The following NRG3 variants were observed in gnomAD, a reference collection of about 807,000 sequenced individuals.
NRG3 encodes pro-neuregulin-3, membrane-bound isoform.
NRG3 carries 31 observed loss-of-function variants against 66.9 expected under a neutral mutation model. The observed-to-expected ratio is 0.46, with a 90% CI of 0.35 to 0.63. NRG3 has a LOEUF of 0.63. Among genes scored for constraint, NRG3 ranks in the 20% least tolerant of loss-of-function variants. The probability of loss-of-function intolerance (pLI) is 0.00; values close to 1 mark genes in which losing one functional copy is unlikely to be tolerated. For synonymous variants in NRG3, 393 were observed against 359.4 expected, an observed-to-expected ratio of 1.09 and a Z score of -1.06; for missense variants, 910 against 878.9, an observed-to-expected ratio of 1.04 and a Z score of -0.45.
At chr10:82,377,709 T>G (rs2085343782) in intron 2 of NRG3, among the ~76,000 whole-genome samples, 1 of 152,112 alleles carries the variant, frequency 6.6e-6, no homozygotes, top group Admixed American at 6.5e-5. Context: ...AATCTAAACC[T>G]AGAGAACAGT....
At chr10:82,132,095 G>A (rs1158374815) in intron 1 of NRG3, among the ~76,000 whole-genome samples, 3 of 151,936 alleles carry the variant, frequency 2.0e-5, no homozygotes, top group Non-Finnish European at 4.4e-5. Flanking sequence ...GAGAAAGTGG[G>A]CATTCTTATC....
At chr10:81,883,619 G>T (rs12241777) in intron 1 of NRG3, among the ~76,000 whole-genome samples, 8,655 of 152,154 alleles carry the variant, frequency 0.057, 518 homozygotes, top group East Asian at 0.19. Context: ...AACTACTTTA[G>T]CATTAGTATG....
chr10:82,154,169 T>C (rs1027133542), intron 1 of NRG3, among the ~76,000 whole-genome samples: 1 of 152,080 alleles, frequency 6.6e-6, no homozygotes, highest in Admixed American at 6.6e-5. Flanking sequence ...GTGAAGCTTT[T>C]TCTCTACATT....
At chr10:82,071,328 G>T (rs1309178557) in intron 1 of NRG3, among the ~76,000 whole-genome samples, 1 of 152,136 alleles carries the variant, frequency 6.6e-6, no homozygotes, top group Admixed American at 6.5e-5. Context: ...GAGCAAGGAT[G>T]GGGATAATGC....
At chr10:81,933,421 AATT>A (rs886747400) in intron 1 of NRG3, among the ~76,000 whole-genome samples, 9 of 152,114 alleles carry the variant, frequency 5.9e-5, no homozygotes, top group African/African-American at 1.9e-4. Flanking sequence ...CATAGGATTC[AATT>A]ATTATTATTA....
chr10:81,972,385 G>A (rs1010792538), intron 1 of NRG3, among the ~76,000 whole-genome samples: 19 of 152,068 alleles, frequency 1.2e-4, no homozygotes, highest in African/African-American at 4.1e-4. Context: ...CCAGAACAGC[G>A]ATAGCAGACA....
chr10:82,729,937 G>A (rs548153144), intron 2 of NRG3, among the ~76,000 whole-genome samples: 130 of 152,160 alleles, frequency 8.5e-4, no homozygotes, highest in Non-Finnish European at 1.5e-3. Flanking sequence ...AAATAGTGAT[G>A]CATGCAGCAC....
chr10:82,154,751 T>C (rs1465348432), intron 1 of NRG3, among the ~76,000 whole-genome samples: 2 of 151,366 alleles, frequency 1.3e-5, no homozygotes, highest in African/African-American at 2.4e-5. Flanking sequence ...ATTTTATCAA[T>C]TTTTTTTGGT....
At chr10:82,127,953 G>A (rs1050107508) in intron 1 of NRG3, among the ~76,000 whole-genome samples, 1 of 152,088 alleles carries the variant, frequency 6.6e-6, no homozygotes, top group African/African-American at 2.4e-5. Flanking sequence ...AAATCATGGA[G>A]TGGTTCAGTT....
At chr10:81,961,501 GAACT>G (rs2133279628) in intron 1 of NRG3, among the ~76,000 whole-genome samples, 1 of 93,764 alleles carries the variant, frequency 1.1e-5, no homozygotes, top group Admixed American at 1.1e-4. Flanking sequence ...ATGAACTAAT[GAACT>G]AATACTACTT....
intron 1 of NRG3, among the ~76,000 whole-genome samples, chr10:81,892,138 A>C (rs990588935): frequency 6.6e-6 from 1 of 152,150 alleles, no homozygotes; most frequent in African/African-American, 2.4e-5. Context: ...AACTTTAAAA[A>C]AGAATTCCAT....
At chr10:82,462,508 T>G (rs929652509) in intron 2 of NRG3, among the ~76,000 whole-genome samples, 2 of 152,260 alleles carry the variant, frequency 1.3e-5, no homozygotes, top group African/African-American at 2.4e-5. Context: ...TTAGTAATTT[T>G]GGGATGTAAT....
intron 4 of NRG3, among the ~76,000 whole-genome samples, chr10:82,944,003 C>T (rs1348290329): frequency 1.3e-5 from 2 of 152,076 alleles, no homozygotes; most frequent in African/African-American, 4.8e-5. Context: ...TTAAAAGTGA[C>T]CAAAATTAAA....
At chr10:82,089,625 T>C (rs1035728668) in intron 1 of NRG3, among the ~76,000 whole-genome samples, 1 of 152,214 alleles carries the variant, frequency 6.6e-6, no homozygotes, top group African/African-American at 2.4e-5. Flanking sequence ...CCTCTTTTAG[T>C]TCTCTAATAA....
At chr10:82,750,837 G>T (rs760567516) in intron 3 of NRG3, among the ~76,000 whole-genome samples, 1 of 151,740 alleles carries the variant, frequency 6.6e-6, no homozygotes, top group Non-Finnish European at 1.5e-5. Context: ...TTTTCATGAG[G>T]GGTCAAGAGC....
chr10:82,352,693 T>C (rs558335714), intron 1 of NRG3, among the ~76,000 whole-genome samples: 1 of 152,228 alleles, frequency 6.6e-6, no homozygotes, highest in African/African-American at 2.4e-5. Context: ...GAGCAAAGCA[T>C]GTGCAAAGGC....
At chr10:82,601,229 A>G (rs1273463407) in intron 2 of NRG3, among the ~76,000 whole-genome samples, 2 of 152,170 alleles carry the variant, frequency 1.3e-5, no homozygotes, top group African/African-American at 4.8e-5. Flanking sequence ...TGACTTTGCT[A>G]TTGTGAATAG....
intron 2 of NRG3, among the ~76,000 whole-genome samples, chr10:82,581,776 A>G (rs1331929452): frequency 6.6e-6 from 1 of 152,046 alleles, no homozygotes; most frequent in East Asian, 1.9e-4. Flanking sequence ...AAAAATTTGG[A>G]AAAAACTTCT....
intron 1 of NRG3, among the ~76,000 whole-genome samples, chr10:81,984,986 C>G (rs1044896117): frequency 6.6e-6 from 1 of 152,072 alleles, no homozygotes; most frequent in African/African-American, 2.4e-5. Flanking sequence ...TTACAATGCC[C>G]AGAAAACACA....
Sources: gnomAD v4.1 joint callset for allele counts (sites outside exome capture counted in the v4.1 genomes callset) on GRCh38, gnomAD v4.1.1 for gene constraint, MANE v1.5 for transcripts, NCBI Gene and HGNC (gene_info 2026-07-23, HGNC 2026-07-21) for gene names.